Variants in PLCE1 observed in about 807,000 individuals in gnomAD.
PLCE1 encodes phospholipase C epsilon 1, also known as 1-phosphatidylinositol 4,5-bisphosphate phosphodiesterase epsilon-1.
In PLCE1, 119 loss-of-function variants were observed where a neutral mutation model predicts 242.8. The ratio of observed to expected loss-of-function variants is 0.49; its 90% CI spans 0.42 to 0.57. The LOEUF (loss-of-function observed/expected upper bound fraction) is 0.57, where lower values mean the gene tolerates loss of function less well. PLCE1 is among the 20% of genes least tolerant of loss of function. PLCE1 has a pLI of 0.00. For synonymous variants in PLCE1, 945 were observed against 1,017.4 expected (o/e 0.93, Z 1.35); for missense variants, 2,441 against 2,788.8 (o/e 0.88, Z 2.81).
intron 1 of PLCE1, among the ~76,000 whole-genome samples, chr10:94,025,141 C>A (rs1297773629): frequency 1.3e-5 from 2 of 152,018 alleles, no homozygotes; most frequent in African/African-American, 2.4e-5. Context: ...GGCTATCATG[C>A]CTTTCTTCCA....
Position 94,258,288 on chromosome 10 carries a change from G to A in PLCE1, c.3555-512G>A, listed in dbSNP as rs117200728. The stretch of plus-strand genomic sequence containing the variant: ...CCCTTTCCATTCTTAACATTTTTCC[G>A]GTTCACATTTTTCATTAATATTTAA... On this transcript the variant is annotated intron_variant, in intron 11 of 32. Coordinates refer to ENST00000371380, the MANE Select transcript of PLCE1 (RefSeq NM_016341.4). Among the ~76,000 whole-genome samples, 284 of 152,006 alleles carry A rather than the reference G, an allele frequency of 1.9e-3. 1 individual carries two copies. Among genetic ancestry groups the A allele is most frequent in the Admixed American group, 3.5e-3 (53 of 15,248 alleles).
intron 1 of PLCE1, among the ~76,000 whole-genome samples, chr10:94,018,784 G>T (rs2061326147): frequency 6.6e-6 from 1 of 152,024 alleles, no homozygotes; most frequent in African/African-American, 2.4e-5. Flanking sequence ...GAACTAATCT[G>T]GTACCTTGCA....
intron 2 of PLCE1, among the ~76,000 whole-genome samples, chr10:94,116,907 C>A (rs578153996): frequency 4.6e-5 from 7 of 152,228 alleles, no homozygotes; most frequent in Admixed American, 4.6e-4. Flanking sequence ...AAAGAAAAGA[C>A]AAAGAGTTTC....
chr10:94,234,752 G>T (rs1244359713), intron 6 of PLCE1, among the ~76,000 whole-genome samples: 1 of 152,100 alleles, frequency 6.6e-6, no homozygotes, highest in Admixed American at 6.5e-5. Context: ...GCCTGGAGAC[G>T]CATGTAGAGA....
intron 24 of PLCE1, 56 bp from the exon 25 acceptor site, chr10:94,304,426 T>C (rs1224481320): frequency 4.7e-5 from 69 of 1,476,410 alleles, no homozygotes; most frequent in Non-Finnish European, 6.4e-5. Flanking sequence ...TATAAGGTGA[T>C]ACTTAAGCGA....
In PLCE1 at chr10:94,034,986, C is replaced by T. The variant is rs552718412; in HGVS notation, c.1206+2734C>T. On this transcript the variant is annotated intron_variant, in intron 2 of 32. Coordinates refer to ENST00000371380, the MANE Select transcript of PLCE1 (RefSeq NM_016341.4). Reference sequence around the variant, plus strand: ...CCTTCTCTATACAGTTGACCACTCACCCCAGCCAGTGTCTAAGGATGTGTT... The same window carrying T: ...CCTTCTCTATACAGTTGACCACTCATCCCAGCCAGTGTCTAAGGATGTGTT... Among the ~76,000 whole-genome samples, 13 of 152,248 alleles carry T rather than the reference C, an allele frequency of 8.5e-5. No individual in the cohort carries two copies. The East Asian group carries it at 2.5e-3, about 29-fold the overall frequency.
At chr10:94,265,597 C>G in intron 14 of PLCE1, 50 bp from the exon 15 acceptor site, 1 of 1,475,628 alleles carries the variant, frequency 6.8e-7, no homozygotes, top group South Asian at 1.1e-5. Flanking sequence ...TTCTTTCCCC[C>G]TCTTAGTTTC....
chr10:94,063,765 C>T (rs7075952), intron 2 of PLCE1, among the ~76,000 whole-genome samples: 47,410 of 151,932 alleles, frequency 0.31, 8,079 homozygotes, highest in African/African-American at 0.45. Context: ...GGATTTTATG[C>T]GGCCTAACCT....
chr10:94,238,760 G>A (rs946204516), intron 7 of PLCE1, among the ~76,000 whole-genome samples: 4 of 152,150 alleles, frequency 2.6e-5, no homozygotes, highest in African/African-American at 9.7e-5. Flanking sequence ...GTAGAGAAGA[G>A]TATAGAGTCA....
chr10:94,041,872 C>T (rs1190428413), intron 2 of PLCE1, among the ~76,000 whole-genome samples: 1 of 151,942 alleles, frequency 6.6e-6, no homozygotes, highest in Non-Finnish European at 1.5e-5. Flanking sequence ...GAAACAGCAC[C>T]CCTCTCTTCT....
At chr10:94,131,531 GAGA>G (rs2046598283) in intron 2 of PLCE1, among the ~76,000 whole-genome samples, 1 of 152,214 alleles carries the variant, frequency 6.6e-6, no homozygotes, top group Admixed American at 6.5e-5. Context: ...GTGATAAAAG[GAGA>G]AGAAATCAGG....
chr10:94,210,158 G>A (rs1036872063), intron 4 of PLCE1, among the ~76,000 whole-genome samples: 1 of 149,968 alleles, frequency 6.7e-6, no homozygotes, highest in Non-Finnish European at 1.5e-5. Flanking sequence ...GGTATAAGAT[G>A]TCACGTTTTA....
At chr10:94,119,388 G>A (rs2046236361) in intron 2 of PLCE1, among the ~76,000 whole-genome samples, 1 of 151,984 alleles carries the variant, frequency 6.6e-6, no homozygotes, top group African/African-American at 2.4e-5. Flanking sequence ...GCTTGCATAG[G>A]TAGTTTGCTT....
In PLCE1 at chr10:94,032,078, A is replaced by G. The variant is rs376319592; in HGVS notation, c.1032A>G (p.Thr344=). ...TTAAGAAATCTGTGTATACTGGAACAAGAGCAATTGTGAGAACTCTGCCTT... is the reference window on the plus strand; with the variant it reads ...TTAAGAAATCTGTGTATACTGGAACGAGAGCAATTGTGAGAACTCTGCCTT... The part of the protein sequence containing the change: ...REVKKSVYTG[T]RAIVRTLPSG... Residue 344 remains threonine (T), a synonymous_variant, in exon 2 of 33, where the codon ACA becomes ACG. Transcript: ENST00000371380. The G allele has an allele frequency of 2.2e-5, 35 of 1,612,648 alleles. No individual in the cohort carries two copies. In the African/African-American group the frequency reaches 4.4e-4, roughly 20 times the overall value.
intron 1 of PLCE1, among the ~76,000 whole-genome samples, chr10:94,006,167 A>G (rs1027158449): frequency 6.6e-6 from 1 of 152,170 alleles, no homozygotes; most frequent in East Asian, 1.9e-4. Flanking sequence ...TAATCTCTCT[A>G]TGCCTCAGCT....
At chr10:93,994,709 G>T (rs1423204541) in intron 1 of PLCE1, among the ~76,000 whole-genome samples, 1 of 152,216 alleles carries the variant, frequency 6.6e-6, no homozygotes, top group South Asian at 2.1e-4. Flanking sequence ...TTGCCTTCAA[G>T]TCCTTTAATG....
At chr10:94,313,468 T>C in intron 28 of PLCE1, 86 bp downstream of exon 28, 2 of 1,458,064 alleles carry the variant, frequency 1.4e-6, no homozygotes, top group Non-Finnish European at 1.9e-6. Context: ...TGTGTAAACA[T>C]ACACAGATGC....
At chr10:94,014,825 T>G (rs1223613) in intron 1 of PLCE1, among the ~76,000 whole-genome samples, 84,557 of 152,116 alleles carry the variant, frequency 0.56, 24,796 homozygotes, top group East Asian at 0.75. Context: ...CAGATCTCTT[T>G]TCCCCTTCCT....
chr10:94,231,520 T>C (rs2050142622), intron 5 of PLCE1, among the ~76,000 whole-genome samples: 1 of 152,060 alleles, frequency 6.6e-6, no homozygotes, highest in South Asian at 2.1e-4. Context: ...CCAGTCACTT[T>C]CCTAGTTAAC....
Sources: allele counts gnomAD v4.1 joint callset (sites outside exome capture counted in the v4.1 genomes callset), GRCh38; gene constraint gnomAD v4.1.1; transcripts MANE v1.5; gene names NCBI Gene and HGNC (gene_info 2026-07-23, HGNC 2026-07-21).